Variants in PACS1 observed in about 807,000 individuals in gnomAD.
PACS1 encodes the protein PACS-1.
In PACS1, 24 loss-of-function variants were observed where a neutral mutation model predicts 115.0. The ratio of observed to expected loss-of-function variants is 0.21; its 90% CI spans 0.15 to 0.29. The LOEUF (loss-of-function observed/expected upper bound fraction) is 0.29, where lower values mean the gene tolerates loss of function less well. Among genes scored for constraint, PACS1 ranks in the 10% least tolerant of loss-of-function variants. PACS1 has a pLI of 1.00. For missense variants in PACS1, 838 were observed against 1,251.2 expected (o/e 0.67, Z 4.98); for synonymous variants, 453 against 504.5 (o/e 0.90, Z 1.37).
intron 2 of PACS1, among the ~76,000 whole-genome samples, chr11:66,200,681 T>A (rs141969814): frequency 6.6e-6 from 1 of 152,262 alleles, no homozygotes; most frequent in African/African-American, 2.4e-5. Context: ...AAGAGAGTGT[T>A]AGACCCCATT....
intron 1 of PACS1, among the ~76,000 whole-genome samples, chr11:66,158,080 C>T (rs1859401525): frequency 6.6e-6 from 1 of 152,164 alleles, no homozygotes; most frequent in Non-Finnish European, 1.5e-5. Context: ...GATCTTCTCA[C>T]CTCAGCCTCC....
chr11:66,217,848 C>T (rs1855249375), intron 7 of PACS1: 10 of 287,992 alleles, frequency 3.5e-5, no homozygotes, highest in South Asian at 2.3e-4. Context: ...CTTTTTCCTG[C>T]TCTGTAACCA....
intron 1 of PACS1, among the ~76,000 whole-genome samples, chr11:66,072,828 G>A (rs945752724): frequency 6.6e-6 from 1 of 152,158 alleles, no homozygotes; most frequent in South Asian, 2.1e-4. Context: ...TCTCCATCTC[G>A]TTAGGTTGAA....
chr11:66,183,530 G>T (rs565932648), intron 1 of PACS1, among the ~76,000 whole-genome samples: 3 of 152,196 alleles, frequency 2.0e-5, no homozygotes, highest in South Asian at 4.1e-4. Flanking sequence ...GGACAAAGGA[G>T]TAATCCAGGT....
intron 1 of PACS1, among the ~76,000 whole-genome samples, chr11:66,188,171 T>C (rs1165175977): frequency 6.6e-6 from 1 of 151,814 alleles, no homozygotes; most frequent in Non-Finnish European, 1.5e-5. Flanking sequence ...TTTTTTTTTT[T>C]TTTTTTGGCC....
intron 1 of PACS1, among the ~76,000 whole-genome samples, chr11:66,114,736 T>C (rs1395909385): frequency 6.6e-6 from 1 of 152,178 alleles, no homozygotes; most frequent in Non-Finnish European, 1.5e-5. Context: ...AAAACTTTGT[T>C]TCAGAAGAAA....
rs1242338266 is a variant in PACS1, at chr11:66,202,740, AAAATATATATATATATATATATAT to A, written c.445-7620_445-7597del. The stretch of plus-strand genomic sequence containing the variant: ...CTCATCTCTAGGAAAAAAAAAAAAA[AAAATATATATATATATATATATAT>A]ATATATATATATATATATTCTGAAA... On this transcript the variant is annotated intron_variant, in intron 2 of 23. Transcript: ENST00000320580. Among the ~76,000 whole-genome samples, 13 of 85,988 alleles carry A rather than the reference AAAATATATATATATATATATATAT, an allele frequency of 1.5e-4. 2 individuals carry two copies. Among genetic ancestry groups the A allele is most frequent in the South Asian group, 8.0e-4 (2 of 2,494 alleles). 56.4% of individuals were successfully genotyped at this position (85,988 alleles called of 152,430 possible).
At chr11:66,163,428 C>T (rs1859534747) in intron 1 of PACS1, among the ~76,000 whole-genome samples, 1 of 151,672 alleles carries the variant, frequency 6.6e-6, no homozygotes, top group South Asian at 2.1e-4. Context: ...TCACACCCAG[C>T]ATTTATAATT....
In PACS1 at chr11:66,166,810, C is replaced by T. The variant is rs138198138; in HGVS notation, c.357-26676C>T. 3.1e-4 allele frequency among the ~76,000 whole-genome samples: 46 copies of T among 150,376 alleles called. 2 individuals carry two copies. Among genetic ancestry groups the T allele is most frequent in the African/African-American group, 1.1e-3 (45 of 39,782 alleles). On this transcript the variant is annotated intron_variant, in intron 1 of 23. Transcript: ENST00000320580. ...AACTTATAATGGGCCAGGCAGTGTT[C>T]TCAGTGCTTTTATATATATGGGCAC...
intron 1 of PACS1, among the ~76,000 whole-genome samples, chr11:66,141,322 C>T (rs939721063): frequency 3.3e-5 from 5 of 152,036 alleles, no homozygotes; most frequent in Non-Finnish European, 1.5e-5. Flanking sequence ...GACAGGGTCT[C>T]GCCGTGTGGC....
chr11:66,120,206 G>A (rs1858407737), intron 1 of PACS1, among the ~76,000 whole-genome samples: 1 of 143,038 alleles, frequency 7.0e-6, no homozygotes, highest in Admixed American at 7.3e-5. Context: ...GGAGTGCAGT[G>A]GCACGATCTC....
intron 1 of PACS1, among the ~76,000 whole-genome samples, chr11:66,187,332 TCTC>T (rs1271677790): frequency 3.3e-5 from 5 of 152,248 alleles, no homozygotes; most frequent in South Asian, 2.1e-4. Flanking sequence ...GAACATTGAC[TCTC>T]CTCCTCCTAG....
chr11:66,171,319 T>C (rs999232652), intron 1 of PACS1, among the ~76,000 whole-genome samples: 6 of 150,600 alleles, frequency 4.0e-5, no homozygotes, highest in Non-Finnish European at 7.3e-5. Flanking sequence ...TCTAGTCTTA[T>C]TCTAGGTGAA....
At chr11:66,223,841 A>C (rs1293164773) in intron 10 of PACS1, among the ~76,000 whole-genome samples, 1 of 152,028 alleles carries the variant, frequency 6.6e-6, no homozygotes, top group Non-Finnish European at 1.5e-5. Flanking sequence ...TTACTTAGAC[A>C]CTCTGAGCCT....
At chr11:66,222,138 C>T (rs543007928) in intron 10 of PACS1, among the ~76,000 whole-genome samples, 78 of 152,240 alleles carry the variant, frequency 5.1e-4, no homozygotes, top group Non-Finnish European at 9.6e-4. Flanking sequence ...CCTCTCCCTT[C>T]GTGTCTGTTC....
At chr11:66,088,654 T>C (rs1857611197) in intron 1 of PACS1, among the ~76,000 whole-genome samples, 1 of 152,222 alleles carries the variant, frequency 6.6e-6, no homozygotes, top group Non-Finnish European at 1.5e-5. Flanking sequence ...TGACTGTATC[T>C]TTATAATAGG....
At chr11:66,198,406 C>T (rs1218088296) in intron 2 of PACS1, among the ~76,000 whole-genome samples, 1 of 152,214 alleles carries the variant, frequency 6.6e-6, no homozygotes, top group Non-Finnish European at 1.5e-5. Flanking sequence ...AGTCATACAG[C>T]TTCGGAATAC....
At chr11:66,211,449 A>T (rs983024382) in intron 4 of PACS1, among the ~76,000 whole-genome samples, 190 bp downstream of exon 4, 2 of 152,228 alleles carry the variant, frequency 1.3e-5, no homozygotes, top group Non-Finnish European at 2.9e-5. Context: ...TGTCTCCTTC[A>T]TGAAAAGTTT....
chr11:66,237,709 G>A (rs747977974), intron 19 of PACS1, among the ~76,000 whole-genome samples: 8 of 152,208 alleles, frequency 5.3e-5, no homozygotes, highest in Non-Finnish European at 7.3e-5. Flanking sequence ...CCTCGCAACC[G>A]AGAGAGACAG....
Sources: gnomAD v4.1 joint callset for allele counts (sites outside exome capture counted in the v4.1 genomes callset) on GRCh38, gnomAD v4.1.1 for gene constraint, MANE v1.5 for transcripts, NCBI Gene and HGNC (gene_info 2026-07-23, HGNC 2026-07-21) for gene names.